SDK2: variants seen among roughly 807,000 people sequenced by gnomAD.
SDK2 encodes the protein protein sidekick-2.
Under a neutral mutation model 253.9 loss-of-function variants are expected in SDK2, and 105 were observed. That is an observed-to-expected ratio of 0.41 (90% confidence interval 0.35 to 0.49). The LOEUF is 0.49. SDK2 is among the 20% of genes least tolerant of loss of function. The pLI is 0.06. For synonymous variants in SDK2, 1,249 were observed against 1,234.9 expected (o/e 1.01, Z -0.24); for missense variants, 2,608 against 3,003.0 (o/e 0.87, Z 3.07).
intron 1 of SDK2, among the ~76,000 whole-genome samples, chr17:73,524,078 C>T (rs1230511655): frequency 3.9e-5 from 6 of 152,190 alleles, no homozygotes; most frequent in African/African-American, 9.7e-5. Context: ...TCTGACCTAT[C>T]GCTTCTCATT....
At chr17:73,628,705 T>C (rs2046233033) in intron 1 of SDK2, among the ~76,000 whole-genome samples, 2 of 152,210 alleles carry the variant, frequency 1.3e-5, no homozygotes, top group South Asian at 4.1e-4. Flanking sequence ...GTGCTGCTCA[T>C]GGGGTAGCCC....
At chr17:73,558,199 G>C (rs1232353284) in intron 1 of SDK2, among the ~76,000 whole-genome samples, 1 of 152,212 alleles carries the variant, frequency 6.6e-6, no homozygotes, top group Non-Finnish European at 1.5e-5. Flanking sequence ...TAGATTGATG[G>C]GGAGTAAAGA....
chr17:73,361,057 T>C lies in SDK2; in HGVS notation c.5467+627A>G, dbSNP rs1049654236. Among the ~76,000 whole-genome samples the C allele has an allele frequency of 2.0e-5, 1 of 50,090 alleles. No homozygotes were observed. The highest frequency in any genetic ancestry group is 2.8e-4 in the Admixed American group (1 of 3,512). The allele number at this position is 50,090 out of a possible 152,430, so 32.9% of individuals were successfully genotyped here. ...AAGGGCGTTCTGCGGAGGGGGTGGG[T>C]GGTGAGGTGGGGGAGGCAGGGCCCT... is the stretch of plus-strand genomic sequence containing the variant. On this transcript the variant is annotated intron_variant, in intron 39 of 44. Coordinates refer to ENST00000392650, the MANE Select transcript of SDK2 (RefSeq NM_001144952.2). This position sits in a 1 kb window ranked among gnomAD's most constrained non-coding sequence, Gnocchi z 4.1.
intron 40 of SDK2, among the ~76,000 whole-genome samples, chr17:73,354,910 C>T (rs1435714432): frequency 6.6e-6 from 1 of 151,792 alleles, no homozygotes; most frequent in African/African-American, 2.4e-5. Context: ...TCTCATAGAC[C>T]CAGCCGTGTA....
At chr17:73,550,620 C>G (rs151084292) in intron 1 of SDK2, among the ~76,000 whole-genome samples, 61 of 152,234 alleles carry the variant, frequency 4.0e-4, no homozygotes, top group Non-Finnish European at 5.3e-4. Flanking sequence ...TCCTGCCACA[C>G]GTCTCTTCCT....
chr17:73,493,049 C>T (rs777407541), intron 2 of SDK2, among the ~76,000 whole-genome samples: 1 of 152,146 alleles, frequency 6.6e-6, no homozygotes, highest in Non-Finnish European at 1.5e-5. Flanking sequence ...CAGCTGTGTG[C>T]GGAAAAAGAA....
chr17:73,517,686 C>A (rs2145779868), intron 1 of SDK2: 1 of 152,354 alleles, frequency 6.6e-6, no homozygotes, highest in African/African-American at 2.4e-5. Context: ...CATGGCAGCC[C>A]AGGAAACTCA....
chr17:73,564,843 A>G (rs1352924490), intron 1 of SDK2, among the ~76,000 whole-genome samples: 1 of 152,008 alleles, frequency 6.6e-6, no homozygotes, highest in African/African-American at 2.4e-5. Flanking sequence ...ACAAAAAACA[A>G]AAACAAACCC....
At chr17:73,483,708 T>TATA (rs1491188790) in intron 2 of SDK2, among the ~76,000 whole-genome samples, 36 of 43,620 alleles carry the variant, frequency 8.3e-4, no homozygotes, top group East Asian at 7.5e-3. Flanking sequence ...TATATATATA[T>TATA]TTTTTTTTTT....
intron 1 of SDK2, among the ~76,000 whole-genome samples, chr17:73,622,915 C>T (rs755118935): frequency 6.6e-6 from 1 of 152,198 alleles, no homozygotes; most frequent in Non-Finnish European, 1.5e-5. Flanking sequence ...GGAGAGGTAG[C>T]GGGGGCCCAG....
chr17:73,574,831 G>T (rs1443574530), intron 1 of SDK2, among the ~76,000 whole-genome samples: 1 of 152,210 alleles, frequency 6.6e-6, no homozygotes, highest in Non-Finnish European at 1.5e-5. Flanking sequence ...TGAGTCTTGA[G>T]TCTTGAGAAG....
In SDK2 at chr17:73,570,203, C is replaced by T. The variant is rs1399650021; in HGVS notation, c.65-62606G>A. Among the ~76,000 whole-genome samples, 82 of 152,120 alleles carry T rather than the reference C, an allele frequency of 5.4e-4. No individual in the cohort carries two copies. ...CCCCAGGGGCCCAGCCTTGCTACCTCCCCTCCCTGTTTACACCCCTGCCTC... is the reference window on the plus strand; with the variant it reads ...CCCCAGGGGCCCAGCCTTGCTACCTTCCCTCCCTGTTTACACCCCTGCCTC... On this transcript the variant is annotated intron_variant, in intron 1 of 44. Transcript: ENST00000392650. This position sits in a 1 kb window ranked among gnomAD's most constrained non-coding sequence, Gnocchi z 4.2.
chr17:73,395,687 G>A lies in SDK2; in HGVS notation c.3355-295C>T, dbSNP rs868169494. Among the ~76,000 whole-genome samples the A allele has an allele frequency of 1.2e-4, 19 of 152,224 alleles. No homozygotes were observed. The highest frequency in any genetic ancestry group is 3.9e-4 in the Admixed American group (6 of 15,286). Reference sequence around the variant, plus strand: ...GAGTCAGGAGCCACAAAGGCTGTGTGTCTGACACACCGATAGCACCGCCAC... The same window carrying A: ...GAGTCAGGAGCCACAAAGGCTGTGTATCTGACACACCGATAGCACCGCCAC... On this transcript the variant is annotated intron_variant, in intron 24 of 44. Coordinates refer to ENST00000392650, the MANE Select transcript of SDK2 (RefSeq NM_001144952.2). The surrounding 1 kb of genome is among the most constrained non-coding windows in gnomAD (Gnocchi z 4.3).
At chr17:73,638,181 G>A (rs966093401) in intron 1 of SDK2, among the ~76,000 whole-genome samples, 2 of 152,200 alleles carry the variant, frequency 1.3e-5, no homozygotes, top group Non-Finnish European at 2.9e-5. Context: ...AGAGCTGGGA[G>A]GGGCCAGATG....
In SDK2 at chr17:73,495,619, C is replaced by CGTGTGTGTGTGTGTGT. The variant is rs60091992; in HGVS notation, c.224+11803_224+11818dup. 2.6e-3 allele frequency among the ~76,000 whole-genome samples: 384 copies of CGTGTGTGTGTGTGTGT among 148,528 alleles called. 2 individuals carry two copies. Among genetic ancestry groups the CGTGTGTGTGTGTGTGT allele is most frequent in the African/African-American group, 8.8e-3 (356 of 40,470 alleles). Reference sequence around the variant, plus strand: ...GCTGTTGGATATTGGAGGCCTGCCCCGTGTGTGTGTGTGTGTGTGTGTGTG... The same window carrying CGTGTGTGTGTGTGTGT: ...GCTGTTGGATATTGGAGGCCTGCCCCGTGTGTGTGTGTGTGTGTGTGTGTGTGTGTGTGTGTGTGTG... On this transcript the variant is annotated intron_variant, in intron 2 of 44. Coordinates refer to ENST00000392650, the MANE Select transcript of SDK2 (RefSeq NM_001144952.2).
intron 2 of SDK2, among the ~76,000 whole-genome samples, chr17:73,503,122 A>G (rs1399244050): frequency 6.6e-6 from 1 of 152,244 alleles, no homozygotes; most frequent in Non-Finnish European, 1.5e-5. Context: ...GAAAGAAACA[A>G]TAAGGAATAG....
chr17:73,445,318 G>T (rs966481880), intron 5 of SDK2, among the ~76,000 whole-genome samples: 4 of 152,178 alleles, frequency 2.6e-5, no homozygotes, highest in Non-Finnish European at 4.4e-5. Flanking sequence ...TTTTTACTTG[G>T]TAAAAAAATG....
At chr17:73,497,783 C>T (rs1383334763) in intron 2 of SDK2, among the ~76,000 whole-genome samples, 1 of 152,156 alleles carries the variant, frequency 6.6e-6, no homozygotes, top group Non-Finnish European at 1.5e-5. Context: ...TGATCATGTC[C>T]ATTCCCTGGG....
Position 73,553,740 on chromosome 17 carries a change from C to G in SDK2, c.65-46143G>C, listed in dbSNP as rs2045100501. On this transcript the variant is annotated intron_variant, in intron 1 of 44. Coordinates refer to ENST00000392650, the MANE Select transcript of SDK2 (RefSeq NM_001144952.2). ...ACAGCATAGCCTTCACCCAGGGATG[C>G]CAGTCACCCCCTTCCTGAGGAGGTG... 2.6e-5 allele frequency among the ~76,000 whole-genome samples: 4 copies of G among 152,276 alleles called. No homozygotes were observed. The South Asian group carries it at 8.3e-4, about 32-fold the overall frequency.
Sources: allele counts gnomAD v4.1 joint callset (sites outside exome capture counted in the v4.1 genomes callset), GRCh38; gene constraint gnomAD v4.1.1; non-coding constraint Gnocchi (gnomAD v3.1); transcripts MANE v1.5; gene names NCBI Gene and HGNC (gene_info 2026-07-23, HGNC 2026-07-21).